The following RBFOX3 variants were observed in gnomAD, a reference collection of about 807,000 sequenced individuals.
RBFOX3 encodes RNA binding protein fox-1 homolog 3.
A neutral mutation model predicts 48.7 loss-of-function variants in RBFOX3; 17 were observed. The ratio of observed to expected loss-of-function variants is 0.35; its 90% CI spans 0.24 to 0.52. The LOEUF (loss-of-function observed/expected upper bound fraction) is 0.52, where lower values mean the gene tolerates loss of function less well. RBFOX3 is among the 20% of genes least tolerant of loss of function. RBFOX3 has a pLI of 0.94. For synonymous variants in RBFOX3, 212 were observed against 209.5 expected (o/e 1.01, Z -0.10); for missense variants, 382 against 497.5 (o/e 0.77, Z 2.21).
chr17:79,127,611 C>T (rs971325546), intron 4 of RBFOX3, among the ~76,000 whole-genome samples: 42 of 152,028 alleles, frequency 2.8e-4, no homozygotes, highest in African/African-American at 7.7e-4. Context: ...AAGGGAAGGC[C>T]CAGGTGCCCC....
chr17:79,496,602 G>A (rs548518168), intron 1 of RBFOX3, among the ~76,000 whole-genome samples: 3 of 152,270 alleles, frequency 2.0e-5, no homozygotes, highest in South Asian at 2.1e-4. Context: ...GCTTCCCAGC[G>A]GTCCCTGGCC....
chr17:79,512,367 C>A (rs1198361171), intron 1 of RBFOX3, among the ~76,000 whole-genome samples: 22 of 109,202 alleles, frequency 2.0e-4, no homozygotes, highest in South Asian at 3.4e-4. Flanking sequence ...CAGGGGACAC[C>A]CACCCGGATA....
chr17:79,318,829 T>C (rs1023993851), intron 2 of RBFOX3, among the ~76,000 whole-genome samples: 4 of 109,308 alleles, frequency 3.7e-5, no homozygotes, highest in Non-Finnish European at 5.1e-5. Flanking sequence ...CACTCCAGCC[T>C]GGGTGACAGA....
intron 1 of RBFOX3, among the ~76,000 whole-genome samples, chr17:79,532,828 C>CGTGTGT (rs3075254): frequency 0.2 from 30,017 of 151,908 alleles, 4,035 homozygotes; most frequent in African/African-American, 0.39. Flanking sequence ...CTATTGAACA[C>CGTGTGT]GTGTGTGTGT....
chr17:79,307,007 A>C (rs1212251614), intron 3 of RBFOX3, among the ~76,000 whole-genome samples: 2 of 152,192 alleles, frequency 1.3e-5, no homozygotes, highest in African/African-American at 4.8e-5. Flanking sequence ...CTCTCTTGGC[A>C]CTCGGAGCAA....
At chr17:79,177,071 C>A (rs2050722100) in intron 4 of RBFOX3, among the ~76,000 whole-genome samples, 1 of 152,140 alleles carries the variant, frequency 6.6e-6, no homozygotes, top group African/African-American at 2.4e-5. Flanking sequence ...GAGCTCCGGA[C>A]CTCCCTCTGG....
At chr17:79,118,962 G>A (rs1192751695) in intron 4 of RBFOX3, among the ~76,000 whole-genome samples, 2 of 131,106 alleles carry the variant, frequency 1.5e-5, no homozygotes, top group African/African-American at 2.9e-5. Flanking sequence ...GGTGACAGAG[G>A]AAACCCCTGT....
chr17:79,328,493 T>C (rs903125853), intron 2 of RBFOX3, among the ~76,000 whole-genome samples: 2 of 152,154 alleles, frequency 1.3e-5, no homozygotes, highest in African/African-American at 2.4e-5. Flanking sequence ...ACAGAATTCA[T>C]CACTGTATTT....
intron 1 of RBFOX3, among the ~76,000 whole-genome samples, chr17:79,586,267 G>A (rs898861348): frequency 2.0e-5 from 3 of 152,332 alleles, no homozygotes; most frequent in Admixed American, 6.5e-5. Context: ...AGGCACGGAC[G>A]TGTGAGCAAG....
At chr17:79,312,506 G>A (rs1040013634) in intron 2 of RBFOX3, among the ~76,000 whole-genome samples, 2 of 152,012 alleles carry the variant, frequency 1.3e-5, no homozygotes, top group African/African-American at 2.4e-5. Flanking sequence ...CTGTGCTCTC[G>A]GAATGTCTGA....
intron 3 of RBFOX3, among the ~76,000 whole-genome samples, chr17:79,297,126 C>G (rs2074517680): frequency 6.6e-6 from 1 of 152,032 alleles, no homozygotes; most frequent in Non-Finnish European, 1.5e-5. Flanking sequence ...CCTGCCTTGT[C>G]TGGAGCTTGG....
intron 4 of RBFOX3, among the ~76,000 whole-genome samples, chr17:79,146,860 TGAG>T (rs1426798295): frequency 1.3e-5 from 2 of 152,164 alleles, no homozygotes; most frequent in Non-Finnish European, 2.9e-5. Flanking sequence ...GGCAGAGGCC[TGAG>T]GAGGGCGGGT....
chr17:79,374,148 C>A (rs1230204453), intron 2 of RBFOX3, among the ~76,000 whole-genome samples: 3 of 152,244 alleles, frequency 2.0e-5, no homozygotes, highest in Admixed American at 6.5e-5. Flanking sequence ...CAGGCGTGAG[C>A]CACCTCGCCT....
chr17:79,655,543 C>T, the RBFOX3 span, among the ~76,000 whole-genome samples: 2 of 152,214 alleles, frequency 1.3e-5, no homozygotes, highest in African/African-American at 4.8e-5. Context: ...GGCAGTAAAA[C>T]TCATTTGGCA....
At chr17:79,593,937 G>A (rs1263222514) in intron 1 of RBFOX3, among the ~76,000 whole-genome samples, 1 of 152,102 alleles carries the variant, frequency 6.6e-6, no homozygotes, top group African/African-American at 2.4e-5. Flanking sequence ...TGGACCAAAG[G>A]GTTTGGGCAC....
In RBFOX3 at chr17:79,204,508, C is replaced by A. The variant is rs541564220; in HGVS notation, c.-34+31258G>T. Among the ~76,000 whole-genome samples, 1 of 152,184 alleles carries A rather than the reference C, an allele frequency of 6.6e-6. No individual in the cohort carries two copies. The highest frequency in any genetic ancestry group is 2.4e-5 in the African/African-American group (1 of 41,436). On this transcript the variant is annotated intron_variant, in intron 4 of 14. Transcript: ENST00000693108. This position sits in a 1 kb window ranked among gnomAD's most constrained non-coding sequence, Gnocchi z 4.5. ...ACACATACCGACAGCATTCAGTCAA[C>A]GAGGTCGACGCGCTGGAACTACTTT...
chr17:79,388,015 T>C (rs1312168778), intron 2 of RBFOX3, among the ~76,000 whole-genome samples: 3 of 149,352 alleles, frequency 2.0e-5, no homozygotes, highest in African/African-American at 4.9e-5. Context: ...TGTGTGTGTG[T>C]GCATGCAAGT....
chr17:79,477,311 C>T lies in RBFOX3; in HGVS notation c.-175+5143G>A, dbSNP rs1487601583. 6.8e-6 allele frequency among the ~76,000 whole-genome samples: 1 copy of T among 146,308 alleles called. No homozygotes were observed. The highest frequency in any genetic ancestry group is 2.0e-4 in the East Asian group (1 of 4,968). On this transcript the variant is annotated intron_variant, in intron 2 of 14. Transcript: ENST00000693108. The surrounding 1 kb of genome is among the most constrained non-coding windows in gnomAD (Gnocchi z 4.8). Reference sequence around the variant, plus strand: ...GTGGCTCACACCTGTAATCCCAGCACTTTGGGAGGCCAAGGCAGGTGGATC... The same window carrying T: ...GTGGCTCACACCTGTAATCCCAGCATTTTGGGAGGCCAAGGCAGGTGGATC...
chr17:79,508,454 C>T (rs1045190575), intron 1 of RBFOX3, among the ~76,000 whole-genome samples: 7 of 152,316 alleles, frequency 4.6e-5, no homozygotes, highest in Non-Finnish European at 7.4e-5. Flanking sequence ...CGCCCGAGGC[C>T]GCCCACTGCC....
Sources: gnomAD v4.1 joint callset for allele counts (sites outside exome capture counted in the v4.1 genomes callset) on GRCh38, gnomAD v4.1.1 for gene constraint, Gnocchi (gnomAD v3.1) non-coding constraint, MANE v1.5 for transcripts, NCBI Gene and HGNC (gene_info 2026-07-23, HGNC 2026-07-21) for gene names.